The following GMDS variants were observed in gnomAD, a reference collection of about 807,000 sequenced individuals.
GMDS encodes the protein GDP-mannose 4,6 dehydratase.
GMDS carries 20 observed loss-of-function variants against 49.9 expected under a neutral mutation model. The ratio of observed to expected loss-of-function variants is 0.40; its 90% CI spans 0.28 to 0.58. The LOEUF is 0.58. Among genes scored for constraint, GMDS ranks in the 20% least tolerant of loss-of-function variants. GMDS has a pLI of 0.42. For synonymous variants in GMDS, 177 were observed against 178.6 expected (o/e 0.99, Z 0.07); for missense variants, 362 against 481.4 (o/e 0.75, Z 2.32).
At chr6:1,889,057 A>G (rs1759749632) in intron 7 of GMDS, among the ~76,000 whole-genome samples, 1 of 152,210 alleles carries the variant, frequency 6.6e-6, no homozygotes, top group African/African-American at 2.4e-5. Context: ...TCAGTATTTA[A>G]AAATATATAT....
chr6:2,083,719 T>C (rs1772848095), intron 4 of GMDS, among the ~76,000 whole-genome samples: 2 of 152,194 alleles, frequency 1.3e-5, no homozygotes, highest in African/African-American at 4.8e-5. Flanking sequence ...CTTCATGCAA[T>C]TTGAGTCTTA....
chr6:2,050,876 C>A (rs887409722), intron 4 of GMDS, among the ~76,000 whole-genome samples: 1 of 152,088 alleles, frequency 6.6e-6, no homozygotes, highest in African/African-American at 2.4e-5. Flanking sequence ...ATGGAAAACA[C>A]TGCATTTTCT....
At position 1,644,438 on chromosome 6, in the gene GMDS, C is replaced by T. The variant is rs185395608; in HGVS notation, c.988-19898G>A. Among the ~76,000 whole-genome samples, 37 of 152,366 alleles carry T rather than the reference C, an allele frequency of 2.4e-4. No individual in the cohort carries two copies. The East Asian group carries it at 6.0e-3, about 25-fold the overall frequency. On this transcript the variant is annotated intron_variant, in intron 9 of 10. Coordinates refer to ENST00000380815, the MANE Select transcript of GMDS (RefSeq NM_001500.4). Reference sequence around the variant, plus strand: ...ATATGAGCCGCTAGGCTGCACTCCCCACAGGCTCAAAACTTTGCTGCTGCC... The same window carrying T: ...ATATGAGCCGCTAGGCTGCACTCCCTACAGGCTCAAAACTTTGCTGCTGCC...
intron 6 of GMDS, among the ~76,000 whole-genome samples, chr6:1,941,551 A>G (rs556239285): frequency 9.5e-4 from 144 of 152,296 alleles, no homozygotes; most frequent in African/African-American, 3.4e-3. Context: ...AGTCCAAGGA[A>G]GGAGAGGGCT....
At chr6:1,720,064 A>G (rs968013211) in intron 9 of GMDS, among the ~76,000 whole-genome samples, 2 of 152,238 alleles carry the variant, frequency 1.3e-5, no homozygotes, top group African/African-American at 4.8e-5. Flanking sequence ...TAAATAAGGG[A>G]AGATACATAG....
In GMDS at chr6:2,044,208, C is replaced by T. The variant is rs192653050; in HGVS notation, c.345+71563G>A. Among the ~76,000 whole-genome samples, 82 of 152,328 alleles carry T rather than the reference C, an allele frequency of 5.4e-4. 1 individual carries two copies. The highest frequency in any genetic ancestry group is 1.9e-3 in the East Asian group (10 of 5,184). ...AACATTCAACCCAGCAATCCCATTA[C>T]AGGGTATATACCCAAAGAAATGTAA... On this transcript the variant is annotated intron_variant, in intron 4 of 10. Coordinates refer to ENST00000380815, the MANE Select transcript of GMDS (RefSeq NM_001500.4).
intron 9 of GMDS, among the ~76,000 whole-genome samples, chr6:1,715,111 A>C (rs1056885393): frequency 6.6e-6 from 1 of 152,232 alleles, no homozygotes; most frequent in Non-Finnish European, 1.5e-5. Flanking sequence ...AGGAGACAGG[A>C]AAGTGGCAGA....
chr6:1,876,876 AG>A (rs1759095485), intron 7 of GMDS, among the ~76,000 whole-genome samples: 1 of 152,214 alleles, frequency 6.6e-6, no homozygotes, highest in African/African-American at 2.4e-5. Context: ...CCCTTCCTAC[AG>A]TGGACAAACC....
At chr6:1,853,517 C>CAAAAA (rs34773610) in intron 7 of GMDS, among the ~76,000 whole-genome samples, 6 of 70,384 alleles carry the variant, frequency 8.5e-5, no homozygotes, top group African/African-American at 1.3e-4. Context: ...GACTCCGTCT[C>CAAAAA]AAAAAAAAAA....
rs1466041616 is a variant in GMDS at position 2,195,246 on chromosome 6, CA to C, written c.102+50074del. 5.3e-5 allele frequency among the ~76,000 whole-genome samples: 8 copies of C among 151,126 alleles called. No individual in the cohort carries two copies. In the East Asian group the frequency reaches 1.4e-3, roughly 26 times the overall value. ...AGCGATAGTACTTAATGATTCTGTT[CA>C]AAAATTCTGAAGCAAAAAGACCTAG... On this transcript the variant is annotated intron_variant, in intron 1 of 10. Coordinates refer to ENST00000380815, the MANE Select transcript of GMDS (RefSeq NM_001500.4).
intron 9 of GMDS, among the ~76,000 whole-genome samples, chr6:1,630,640 G>A (rs1762971695): frequency 6.6e-6 from 1 of 152,224 alleles, no homozygotes; most frequent in African/African-American, 2.4e-5. Flanking sequence ...TTCTTTAAAT[G>A]AAATAACCAT....
chr6:1,744,987 GCA>G (rs3039695), intron 7 of GMDS, among the ~76,000 whole-genome samples: 1 of 151,312 alleles, frequency 6.6e-6, no homozygotes, highest in Non-Finnish European at 1.5e-5. Context: ...AGGCACACGT[GCA>G]CACACACACA....
intron 1 of GMDS, among the ~76,000 whole-genome samples, chr6:2,166,312 C>T (rs1777668242): frequency 6.6e-6 from 1 of 152,220 alleles, no homozygotes; most frequent in South Asian, 2.1e-4. Flanking sequence ...AAAAGCCCAA[C>T]TGTTCCCAAA....
chr6:1,665,229 C>T (rs372983817), intron 9 of GMDS, among the ~76,000 whole-genome samples: 31 of 152,298 alleles, frequency 2.0e-4, no homozygotes, highest in African/African-American at 5.5e-4. Context: ...GGTATATCTC[C>T]TAATGCTATC....
rs530558983 is a variant in GMDS at position 1,681,011 on chromosome 6, AAAG to A, written c.987+45402_987+45404del. Among the ~76,000 whole-genome samples the A allele has an allele frequency of 3.9e-5, 6 of 152,256 alleles. No individual in the cohort carries two copies. In the South Asian group the frequency reaches 1.2e-3, roughly 32 times the overall value. ...CCTCCTCGGCAGGGAGGATAAAAAGAAAGAAGTAACACAAATATACTCTCACAT... is the reference window on the plus strand; with the variant it reads ...CCTCCTCGGCAGGGAGGATAAAAAGAAAGTAACACAAATATACTCTCACAT... On this transcript the variant is annotated intron_variant, in intron 9 of 10. Coordinates refer to ENST00000380815, the MANE Select transcript of GMDS (RefSeq NM_001500.4).
chr6:2,034,171 T>C (rs1469841399), intron 4 of GMDS, among the ~76,000 whole-genome samples: 3 of 152,200 alleles, frequency 2.0e-5, no homozygotes. Flanking sequence ...CAGGGGTCAG[T>C]AAACTTCTTT....
chr6:2,202,670 G>A (rs933547786), intron 1 of GMDS, among the ~76,000 whole-genome samples: 8 of 152,124 alleles, frequency 5.3e-5, no homozygotes, highest in African/African-American at 1.9e-4. Context: ...CCTGGCAAGG[G>A]AAGGGAGCTA....
At chr6:1,629,142 G>C (rs1762924289) in intron 9 of GMDS, among the ~76,000 whole-genome samples, 1 of 152,164 alleles carries the variant, frequency 6.6e-6, no homozygotes, top group Non-Finnish European at 1.5e-5. Flanking sequence ...AATTCTGAAA[G>C]ATCCCCCAGA....
chr6:1,777,008 G>A (rs1321821873), intron 7 of GMDS, among the ~76,000 whole-genome samples: 1 of 152,230 alleles, frequency 6.6e-6, no homozygotes, highest in Non-Finnish European at 1.5e-5. Flanking sequence ...TAGATGAGGT[G>A]TTAGATAATC....
Sources: gnomAD v4.1 joint callset for allele counts (sites outside exome capture counted in the v4.1 genomes callset) on GRCh38, gnomAD v4.1.1 for gene constraint, MANE v1.5 for transcripts, NCBI Gene and HGNC (gene_info 2026-07-23, HGNC 2026-07-21) for gene names.